Variants in FSTL4 observed in about 807,000 individuals in gnomAD.
FSTL4 encodes the protein follistatin-related protein 4.
Under a neutral mutation model 78.2 loss-of-function variants are expected in FSTL4, and 28 were observed. The ratio of observed to expected loss-of-function variants is 0.36; its 90% confidence interval spans 0.27 to 0.49. The LOEUF (loss-of-function observed/expected upper bound fraction) is 0.49. Ranked by LOEUF, FSTL4 falls within the 20% of genes least tolerant of loss-of-function variation. The pLI is 0.98. For missense variants in FSTL4, 922 were observed against 1,084.9 expected (o/e 0.85, Z 2.11); for synonymous variants, 422 against 440.5 (o/e 0.96, Z 0.53).
chr5:133,611,606 C>A lies in FSTL4; in HGVS notation c.-11+719G>T, dbSNP rs1356614228. ...GCTGAACGCCCCCAACACACTGCTCCCTAGACACGTTCAAGCGGGTACCCC... is the reference window on the plus strand; with the variant it reads ...GCTGAACGCCCCCAACACACTGCTCACTAGACACGTTCAAGCGGGTACCCC... On this transcript the variant is annotated intron_variant, in intron 1 of 15. Transcript: ENST00000265342. This position sits in a 1 kb window ranked among gnomAD's most constrained non-coding sequence, Gnocchi z 4.9. 2.0e-5 allele frequency among the ~76,000 whole-genome samples: 3 copies of A among 152,182 alleles called. No individual in the cohort carries two copies. The highest frequency in any genetic ancestry group is 7.2e-5 in the African/African-American group (3 of 41,456).
chr5:133,440,877 T>G lies in FSTL4; in HGVS notation c.161-39891A>C, dbSNP rs1466618907. On this transcript the variant is annotated intron_variant, in intron 3 of 15. Transcript: ENST00000265342. This position sits in a 1 kb window ranked among gnomAD's most constrained non-coding sequence, Gnocchi z 4.1. Reference sequence around the variant, plus strand: ...ATGTGTCCTAGAGGCTCAGATACAGTGGACTACTGCCTCCTGCACTTGGCC... The same window carrying G: ...ATGTGTCCTAGAGGCTCAGATACAGGGGACTACTGCCTCCTGCACTTGGCC... 6.6e-6 allele frequency among the ~76,000 whole-genome samples: 1 copy of G among 152,024 alleles called. No homozygotes were observed. Among genetic ancestry groups the G allele is most frequent in the East Asian group, 1.9e-4 (1 of 5,176 alleles).
chr5:133,424,162 G>A (rs1432204837), intron 3 of FSTL4, among the ~76,000 whole-genome samples: 1 of 152,226 alleles, frequency 6.6e-6, no homozygotes, highest in African/African-American at 2.4e-5. Context: ...GAGTCATGCA[G>A]CAGCTCCGAG....
chr5:133,637,978 A>AAT, the FSTL4 span, among the ~76,000 whole-genome samples: 1 of 142,590 alleles, frequency 7.0e-6, no homozygotes, highest in African/African-American at 2.6e-5. Context: ...TAATAATAAT[A>AAT]AATTAATTAA....
chr5:133,707,900 T>G, the FSTL4 span, among the ~76,000 whole-genome samples: 10 of 152,116 alleles, frequency 6.6e-5, no homozygotes, highest in East Asian at 1.7e-3. Flanking sequence ...GCCCGGGCAC[T>G]GGGGAGGCTT....
At chr5:133,638,740 A>G in the FSTL4 span, among the ~76,000 whole-genome samples, 4 of 151,598 alleles carry the variant, frequency 2.6e-5, no homozygotes, top group South Asian at 8.4e-4. Flanking sequence ...TTTTTTCTGT[A>G]TCTTCCCACT....
chr5:133,636,258 G>A, the FSTL4 span, among the ~76,000 whole-genome samples: 3 of 152,190 alleles, frequency 2.0e-5, no homozygotes, highest in Admixed American at 2.0e-4. Flanking sequence ...AGGGAGAGAG[G>A]CTGGGCTCAT....
chr5:133,210,275 C>A lies in FSTL4; in HGVS notation c.1632G>T (p.Pro544=). The A allele has an allele frequency of 6.2e-7, 1 of 1,608,326 alleles. No individual in the cohort carries two copies. Among genetic ancestry groups the A allele is most frequent in the East Asian group, 2.2e-5 (1 of 44,816 alleles). Residue 544 remains proline (P), a synonymous_variant, in exon 14 of 16, where the codon CCG becomes CCT. Coordinates refer to ENST00000265342, the MANE Select transcript of FSTL4 (RefSeq NM_015082.2). ...GTGACTTGTCATAGGACAGCTTAGC[C>A]GGCAGAGGGTCCACACCTATGGACT... is the stretch of plus-strand genomic sequence containing the variant. The part of the protein sequence containing the change: ...VLQSIGVDPL[P]AKLSYDKSHD...
At chr5:133,498,638 A>T (rs1256992339) in intron 3 of FSTL4, among the ~76,000 whole-genome samples, 1 of 151,486 alleles carries the variant, frequency 6.6e-6, no homozygotes, top group Non-Finnish European at 1.5e-5. Context: ...GAATCACCTG[A>T]ACCTGGGAGG....
chr5:133,560,892 C>T (rs767847125), intron 3 of FSTL4, among the ~76,000 whole-genome samples: 12 of 151,042 alleles, frequency 7.9e-5, no homozygotes, highest in Non-Finnish European at 1.3e-4. Flanking sequence ...AGAGACCATC[C>T]TGGCTAACAC....
chr5:133,674,957 C>T, the FSTL4 span, among the ~76,000 whole-genome samples: 25 of 152,290 alleles, frequency 1.6e-4, no homozygotes, highest in African/African-American at 5.5e-4. Context: ...GTACTAGGCT[C>T]ATTGCAGTGA....
At chr5:133,651,939 A>G in the FSTL4 span, among the ~76,000 whole-genome samples, 10 of 152,134 alleles carry the variant, frequency 6.6e-5, no homozygotes, top group Non-Finnish European at 1.2e-4. Context: ...TTTAATAGAT[A>G]TAGGCCCTTT....
rs1414749667 is a variant in FSTL4 at position 133,389,869 on chromosome 5, T to C, written c.409+10869A>G. Among the ~76,000 whole-genome samples, 4 of 152,176 alleles carry C rather than the reference T, an allele frequency of 2.6e-5. No individual in the cohort carries two copies. The South Asian group carries it at 8.3e-4, about 32-fold the overall frequency. ...GGAAATATGGATCACTGGATGAGCA[T>C]CTGAGAAACAGAGACAAAGATGGGG... On this transcript the variant is annotated intron_variant, in intron 4 of 15. Transcript: ENST00000265342.
intron 4 of FSTL4, among the ~76,000 whole-genome samples, chr5:133,387,211 T>C (rs971959789): frequency 6.6e-6 from 1 of 152,124 alleles, no homozygotes; most frequent in Admixed American, 6.5e-5. Context: ...ATATCTCTCC[T>C]AATCATGGGA....
chr5:133,287,699 T>C (rs7707141), intron 6 of FSTL4, among the ~76,000 whole-genome samples: 124,400 of 152,204 alleles, frequency 0.82, 51,152 homozygotes, highest in African/African-American at 0.91. Context: ...CCCCACTGCC[T>C]CCTGCTGCCC....
At chr5:133,527,114 A>G (rs1388655394) in intron 3 of FSTL4, among the ~76,000 whole-genome samples, 3 of 152,182 alleles carry the variant, frequency 2.0e-5, no homozygotes, top group East Asian at 1.9e-4. Flanking sequence ...CTCAGTCCCC[A>G]CATGTCCTCT....
chr5:133,252,723 T>A (rs2126826209), intron 6 of FSTL4, among the ~76,000 whole-genome samples: 2 of 152,078 alleles, frequency 1.3e-5, no homozygotes, highest in South Asian at 4.2e-4. Flanking sequence ...AAAGGTAGGA[T>A]CCCTTCCTCC....
chr5:133,233,722 C>T (rs894855877), intron 7 of FSTL4, among the ~76,000 whole-genome samples, 185 bp from the exon 8 acceptor site: 1 of 152,224 alleles, frequency 6.6e-6, no homozygotes, highest in African/African-American at 2.4e-5. Context: ...ATCTTGCCTC[C>T]ACATTGTGGG....
At chr5:133,720,152 A>G in the FSTL4 span, among the ~76,000 whole-genome samples, 1 of 152,330 alleles carries the variant, frequency 6.6e-6, no homozygotes, top group Non-Finnish European at 1.5e-5. Context: ...ATGCAATGAT[A>G]CTGTTACCCA....
chr5:133,562,312 C>T (rs556497054), intron 3 of FSTL4, among the ~76,000 whole-genome samples: 1 of 152,318 alleles, frequency 6.6e-6, no homozygotes, highest in Non-Finnish European at 1.5e-5. Flanking sequence ...AAAACATCTG[C>T]TACACAAAAT....
Sources: gnomAD v4.1 joint callset for allele counts (sites outside exome capture counted in the v4.1 genomes callset) on GRCh38, gnomAD v4.1.1 for gene constraint, Gnocchi (gnomAD v3.1) non-coding constraint, MANE v1.5 for transcripts, NCBI Gene and HGNC (gene_info 2026-07-23, HGNC 2026-07-21) for gene names.